Variants in EPB41L1 observed in about 807,000 individuals in gnomAD.
EPB41L1 encodes band 4.1-like protein 1.
A neutral mutation model predicts 97.8 loss-of-function variants in EPB41L1; 29 were observed. That is an observed-to-expected ratio of 0.30 (90% CI 0.22 to 0.40). The LOEUF is 0.40. EPB41L1 is among the 10% of genes least tolerant of loss of function. The pLI, the probability that EPB41L1 is intolerant of heterozygous loss-of-function variation, is 1.00. For synonymous variants in EPB41L1, 383 were observed against 459.2 expected, an observed-to-expected ratio of 0.83 and a Z score of 2.12; for missense variants, 812 against 1,162.3, an observed-to-expected ratio of 0.70 and a Z score of 4.38.
At chr20:36,199,233 C>T (rs1041547889) in intron 14 of EPB41L1, among the ~76,000 whole-genome samples, 2 of 151,900 alleles carry the variant, frequency 1.3e-5, no homozygotes, top group African/African-American at 4.8e-5. Context: ...CAGATAGGGG[C>T]ACCGAGACCC....
chr20:36,187,255 G>A (rs573159912), intron 7 of EPB41L1, among the ~76,000 whole-genome samples: 1 of 152,282 alleles, frequency 6.6e-6, no homozygotes, highest in South Asian at 2.1e-4. Flanking sequence ...GAGATTAAGT[G>A]GCTTCTGATA....
At chr20:36,200,777 C>T (rs1417791946) in intron 14 of EPB41L1, 2 of 418,234 alleles carry the variant, frequency 4.8e-6, no homozygotes, top group African/African-American at 2.1e-5. Flanking sequence ...GTGTGTCTCT[C>T]TCTCCTACTT....
At chr20:36,177,652 A>G (rs1281291644) in intron 3 of EPB41L1, among the ~76,000 whole-genome samples, 1 of 152,198 alleles carries the variant, frequency 6.6e-6, no homozygotes, top group Non-Finnish European at 1.5e-5. Context: ...ACTAAAAAGG[A>G]AGGAGAAAGC....
chr20:36,180,191 C>G (rs977673907), intron 5 of EPB41L1, among the ~76,000 whole-genome samples: 3 of 152,260 alleles, frequency 2.0e-5, no homozygotes, highest in African/African-American at 7.2e-5. Flanking sequence ...GTCTCTGCCT[C>G]TACCCCTGTA....
chr20:36,142,982 C>G (rs2059695607), intron 2 of EPB41L1, among the ~76,000 whole-genome samples: 2 of 152,198 alleles, frequency 1.3e-5, no homozygotes, highest in Non-Finnish European at 2.9e-5. Flanking sequence ...TTCATCAGAG[C>G]TGGTGGTGGC....
chr20:36,220,001 A>G (rs893761002), intron 19 of EPB41L1, among the ~76,000 whole-genome samples, 157 bp downstream of exon 19: 1 of 152,284 alleles, frequency 6.6e-6, no homozygotes, highest in African/African-American at 2.4e-5. Context: ...CCTGTGCCAC[A>G]TGTTGTTCTA....
At chr20:36,160,301 A>G (rs1013995511) in intron 1 of EPB41L1, among the ~76,000 whole-genome samples, 2 of 152,238 alleles carry the variant, frequency 1.3e-5, no homozygotes, top group African/African-American at 2.4e-5. Flanking sequence ...TCAGAAGTGT[A>G]GGCCAGGCAC....
chr20:36,188,208 G>T, intron 8 of EPB41L1, 139 bp from the exon 9 acceptor site: 1 of 1,124,652 alleles, frequency 8.9e-7, no homozygotes, highest in Non-Finnish European at 1.3e-6. Context: ...TGGTCAGTGG[G>T]ACTCCAGCAT....
chr20:36,201,004 C>T (rs866005574), intron 14 of EPB41L1: 3 of 456,876 alleles, frequency 6.6e-6, no homozygotes, highest in Middle Eastern at 3.3e-4. Context: ...TCCTGTGCCC[C>T]TTCCTCCTGC....
Position 36,209,959 on chromosome 20 carries a change from G to A in EPB41L1, c.2079+61G>A, listed in dbSNP as rs2063040148. 6 of 1,586,632 alleles carry A rather than the reference G, an allele frequency of 3.8e-6. No homozygotes were observed. Among genetic ancestry groups the A allele is most frequent in the Non-Finnish European group, 4.3e-6 (5 of 1,166,684 alleles). ...GGCACCGCATGCTCAGAGGGCCCTG[G>A]GCCACCCGTGAGAAGACCGAGCACC... On this transcript the variant is annotated intron_variant, in intron 15 of 21. Transcript: ENST00000338074. This position sits in a 1 kb window ranked among gnomAD's most constrained non-coding sequence, Gnocchi z 4.2.
intron 9 of EPB41L1, among the ~76,000 whole-genome samples, chr20:36,189,082 TC>T (rs1231035319): frequency 1.3e-5 from 2 of 152,278 alleles, no homozygotes; most frequent in Middle Eastern, 3.4e-3. Flanking sequence ...ACACCTCTTT[TC>T]CTTCAATTAC....
At chr20:36,151,954 A>T (rs942822788), upstream of EPB41L1, 5 of 152,196 alleles carry the variant, frequency 3.3e-5, no homozygotes, top group African/African-American at 7.2e-5. Flanking sequence ...GCAAAAAAAA[A>T]TTAGCTGGGC....
chr20:36,142,180 A>G (rs184997319), intron 2 of EPB41L1, among the ~76,000 whole-genome samples: 189 of 152,220 alleles, frequency 1.2e-3, no homozygotes, highest in Non-Finnish European at 2.0e-3. Context: ...TTTGTTACGT[A>G]CCATTTTGTC....
At chr20:36,183,396 G>A (rs1185790383) in intron 6 of EPB41L1, among the ~76,000 whole-genome samples, 1 of 152,248 alleles carries the variant, frequency 6.6e-6, no homozygotes, top group Non-Finnish European at 1.5e-5. Flanking sequence ...GATCAGGCCT[G>A]GGCTTTGGCG....
intron 14 of EPB41L1, among the ~76,000 whole-genome samples, chr20:36,203,618 C>G (rs1243288148): frequency 6.6e-6 from 1 of 152,230 alleles, no homozygotes; most frequent in Non-Finnish European, 1.5e-5. Flanking sequence ...CTGAAGGAAC[C>G]TGCTTCTCAA....
At chr20:36,221,238 T>C (rs915699291) in intron 19 of EPB41L1, among the ~76,000 whole-genome samples, 8 of 152,244 alleles carry the variant, frequency 5.3e-5, no homozygotes, top group Non-Finnish European at 1.5e-5. Flanking sequence ...CTTCTAAACT[T>C]GTCCAAACCC....
intron 14 of EPB41L1, chr20:36,201,029 C>T: frequency 2.2e-6 from 1 of 453,088 alleles, no homozygotes; most frequent in Non-Finnish European, 4.5e-6. Context: ...CCAGAACCAC[C>T]CTCTGTGGTC....
At chr20:36,219,563 A>G (rs1388734770) in intron 18 of EPB41L1, among the ~76,000 whole-genome samples, 198 bp from the exon 19 acceptor site, 1 of 152,166 alleles carries the variant, frequency 6.6e-6, no homozygotes, top group African/African-American at 2.4e-5. Context: ...GCGTCTAGGA[A>G]TCTCAGACTC....
intron 3 of EPB41L1, among the ~76,000 whole-genome samples, chr20:36,176,035 C>T (rs2061212853): frequency 6.6e-6 from 1 of 152,182 alleles, no homozygotes; most frequent in Non-Finnish European, 1.5e-5. Context: ...AACTGGGCTC[C>T]CCTATTCACC....
Sources: allele counts gnomAD v4.1 joint callset (sites outside exome capture counted in the v4.1 genomes callset), GRCh38; gene constraint gnomAD v4.1.1; non-coding constraint Gnocchi (gnomAD v3.1); transcripts MANE v1.5; gene names NCBI Gene and HGNC (gene_info 2026-07-23, HGNC 2026-07-21).